Variants in SPICE1 observed in about 807,000 individuals in gnomAD.
The protein encoded by SPICE1 is spindle and centriole associated protein 1, also known as spindle and centriole-associated protein 1.
SPICE1 carries 75 observed loss-of-function variants against 102.7 expected under a neutral mutation model. The observed-to-expected ratio is 0.73, with a 90% confidence interval of 0.61 to 0.88. The LOEUF (loss-of-function observed/expected upper bound fraction) is 0.88, where lower values mean the gene tolerates loss of function less well. Ranked by LOEUF, SPICE1 falls within the 40% of genes least tolerant of loss-of-function variation. The pLI is 0.00. For missense variants in SPICE1, 979 were observed against 1,020.1 expected (o/e 0.96, Z 0.55); for synonymous variants, 308 against 350.3 (o/e 0.88, Z 1.35).
chr3:113,459,188 T>C (rs997065176), intron 12 of SPICE1, among the ~76,000 whole-genome samples: 1 of 152,172 alleles, frequency 6.6e-6, no homozygotes, highest in African/African-American at 2.4e-5. Context: ...CAGTGCAAGA[T>C]GTGCTTTGTT....
chr3:113,483,344 T>C lies in SPICE1; in HGVS notation c.611+5601A>G, dbSNP rs190932331. Among the ~76,000 whole-genome samples the C allele has an allele frequency of 1.8e-3, 281 of 152,342 alleles. 2 individuals carry two copies. The highest frequency in any genetic ancestry group is 6.5e-3 in the African/African-American group (272 of 41,572). Reference sequence around the variant, plus strand: ...GTTTTCTAAATATACAATCATGTCATCTGCAAACAGAGACAGTTTGACTTC... The same window carrying C: ...GTTTTCTAAATATACAATCATGTCACCTGCAAACAGAGACAGTTTGACTTC... On this transcript the variant is annotated intron_variant, in intron 7 of 17. Coordinates refer to ENST00000295872, the MANE Select transcript of SPICE1 (RefSeq NM_144718.4).
chr3:113,494,996 A>C (rs868429303), intron 4 of SPICE1, among the ~76,000 whole-genome samples: 4 of 152,244 alleles, frequency 2.6e-5, no homozygotes, highest in African/African-American at 9.6e-5. Flanking sequence ...AACTTTAAAA[A>C]CATGACATAA....
intron 7 of SPICE1, among the ~76,000 whole-genome samples, chr3:113,472,816 T>TA (rs940659328): frequency 1.3e-5 from 2 of 151,936 alleles, no homozygotes; most frequent in Non-Finnish European, 2.9e-5. Flanking sequence ...CAAAAGTAGC[T>TA]AAAACCACAA....
chr3:113,480,932 A>G (rs73241126), intron 7 of SPICE1, among the ~76,000 whole-genome samples: 109 of 62,592 alleles, frequency 1.7e-3, no homozygotes, highest in East Asian at 5.1e-3. Context: ...AAGAAAGAAA[A>G]AAGACCTCAG....
intron 6 of SPICE1, among the ~76,000 whole-genome samples, chr3:113,492,256 T>C (rs1316079179): frequency 6.6e-6 from 1 of 152,272 alleles, no homozygotes; most frequent in East Asian, 1.9e-4. Flanking sequence ...AACAATATAA[T>C]TAATATATCT....
intron 7 of SPICE1, among the ~76,000 whole-genome samples, chr3:113,477,737 G>C (rs1936388245): frequency 6.9e-6 from 1 of 144,492 alleles, no homozygotes; most frequent in African/African-American, 2.6e-5. Flanking sequence ...ACTGAACAAT[G>C]AGAACACATG....
At chr3:113,496,144 C>T (rs1356864951) in intron 4 of SPICE1, among the ~76,000 whole-genome samples, 1 of 127,718 alleles carries the variant, frequency 7.8e-6, no homozygotes, top group African/African-American at 3.0e-5. Flanking sequence ...AATTCTTCTT[C>T]TTCCAATGTG....
intron 7 of SPICE1, among the ~76,000 whole-genome samples, chr3:113,484,811 G>A (rs532270758): frequency 1.1e-4 from 16 of 151,856 alleles, no homozygotes; most frequent in Admixed American, 2.0e-4. Context: ...GAAAAAGTAC[G>A]ATGAGGTACT....
chr3:113,509,268 T>C (rs567796480), intron 1 of SPICE1, among the ~76,000 whole-genome samples: 8 of 152,246 alleles, frequency 5.3e-5, no homozygotes, highest in Non-Finnish European at 1.0e-4. Flanking sequence ...AGGAAAACAA[T>C]AGTTATTCAA....
chr3:113,462,709 G>C (rs1935961621), intron 11 of SPICE1, among the ~76,000 whole-genome samples: 1 of 152,108 alleles, frequency 6.6e-6, no homozygotes, highest in South Asian at 2.1e-4. Flanking sequence ...TTAGTAAGTA[G>C]AACTGTTTTT....
chr3:113,475,775 G>A (rs1936329755), intron 7 of SPICE1, among the ~76,000 whole-genome samples: 1 of 152,136 alleles, frequency 6.6e-6, no homozygotes, highest in Non-Finnish European at 1.5e-5. Flanking sequence ...GGTATCGATG[G>A]GATGTATCTC....
Position 113,448,104 on chromosome 3 carries a change from C to G in SPICE1, c.2360G>C (p.Gly787Ala). The G allele has an allele frequency of 6.2e-7, 1 of 1,611,362 alleles. No individual in the cohort carries two copies. The highest frequency in any genetic ancestry group is 8.5e-7 in the Non-Finnish European group (1 of 1,178,682). ...TTTTGAGCTTTCTGGGGCTTCTGCT[C>G]CTGGAATAGATACCTCAATTGTCCT... ...AKRTIEVSIP[G>A]AEAPESSKCS... The change falls in exon 16 of 18, where the codon GGA becomes GCA. Residue 787 changes from glycine to alanine, a missense_variant. Physicochemically the swap from Gly to Ala is moderately conservative, Grantham distance 60 (BLOSUM62 0). Coordinates refer to ENST00000295872, the MANE Select transcript of SPICE1 (RefSeq NM_144718.4).
At chr3:113,452,566 C>G (rs2107445273) in intron 14 of SPICE1, among the ~76,000 whole-genome samples, 1 of 152,242 alleles carries the variant, frequency 6.6e-6, no homozygotes, top group Non-Finnish European at 1.5e-5. Context: ...CACCTGTAAT[C>G]CCAGCTACTT....
chr3:113,494,508 G>T (rs1472359833), intron 4 of SPICE1, among the ~76,000 whole-genome samples: 1 of 151,812 alleles, frequency 6.6e-6, no homozygotes, highest in Non-Finnish European at 1.5e-5. Flanking sequence ...TTAGCCGGGC[G>T]TGGTAGCGGG....
At chr3:113,477,074 A>T (rs925199896) in intron 7 of SPICE1, among the ~76,000 whole-genome samples, 4 of 151,802 alleles carry the variant, frequency 2.6e-5, no homozygotes, top group African/African-American at 9.7e-5. Flanking sequence ...CAAAGAACTC[A>T]AACAAATTTA....
intron 5 of SPICE1, 42 bp downstream of exon 5, chr3:113,494,007 T>C: frequency 7.6e-7 from 1 of 1,316,222 alleles, no homozygotes; most frequent in South Asian, 1.2e-5. Context: ...AACTGTGGGC[T>C]ACAGTTAATA....
At chr3:113,456,602 C>CTT (rs1351026870) in intron 13 of SPICE1, among the ~76,000 whole-genome samples, 1 of 152,164 alleles carries the variant, frequency 6.6e-6, no homozygotes, top group Non-Finnish European at 1.5e-5. Flanking sequence ...ATTCAAAACT[C>CTT]TACCTGTGAG....
chr3:113,495,863 T>A (rs547395936), intron 4 of SPICE1, among the ~76,000 whole-genome samples: 1 of 152,262 alleles, frequency 6.6e-6, no homozygotes, highest in African/African-American at 2.4e-5. Context: ...AGAGATGGAA[T>A]TGACACATGA....
chr3:113,491,870 A>C (rs1936776946), intron 6 of SPICE1, among the ~76,000 whole-genome samples: 1 of 152,112 alleles, frequency 6.6e-6, no homozygotes, highest in Admixed American at 6.6e-5. Context: ...TTGAAATTCT[A>C]CTGCTGTATT....
Sources: allele counts gnomAD v4.1 joint callset (sites outside exome capture counted in the v4.1 genomes callset), GRCh38; gene constraint gnomAD v4.1.1; transcripts MANE v1.5; gene names NCBI Gene and HGNC (gene_info 2026-07-23, HGNC 2026-07-21).